HACE1: variants seen among roughly 807,000 people sequenced by gnomAD.
HACE1 encodes E3 ubiquitin-protein ligase HACE1.
HACE1 carries 73 observed loss-of-function variants against 118.4 expected under a neutral mutation model. The ratio of observed to expected loss-of-function variants is 0.62; its 90% confidence interval spans 0.51 to 0.75. HACE1 has a LOEUF of 0.75. Ranked by LOEUF, HACE1 falls within the 30% of genes least tolerant of loss-of-function variation. HACE1 has a pLI of 0.00. For missense variants in HACE1, 749 were observed against 1,102.2 expected, an observed-to-expected ratio of 0.68 and a Z score of 4.54; for synonymous variants, 368 against 374.8, an observed-to-expected ratio of 0.98 and a Z score of 0.21.
In HACE1 at chr6:104,756,429, AT is replaced by A. The variant is rs1490672816; in HGVS notation, c.2212-5958del. Among the ~76,000 whole-genome samples, 202 of 69,690 alleles carry A rather than the reference AT, an allele frequency of 2.9e-3. 1 individual carries two copies. The highest frequency in any genetic ancestry group is 6.9e-3 in the African/African-American group (145 of 21,104). 45.7% of individuals were successfully genotyped at this position (69,690 alleles called of 152,430 possible). ...TCCATCTCAAAAAAAAAAAAAAAAT[AT>A]ATATATATATATATATACACACACA... On this transcript the variant is annotated intron_variant, in intron 19 of 23. Transcript: ENST00000262903.
intron 10 of HACE1, among the ~76,000 whole-genome samples, chr6:104,795,211 G>A (rs1204899399): frequency 6.6e-6 from 1 of 152,150 alleles, no homozygotes; most frequent in Non-Finnish European, 1.5e-5. Context: ...AAAGTACAAT[G>A]AAAGGTTAAA....
At chr6:104,755,067 G>T (rs11156420) in intron 19 of HACE1, among the ~76,000 whole-genome samples, 8,350 of 152,042 alleles carry the variant, frequency 0.055, 268 homozygotes, top group East Asian at 0.13. Context: ...GACACACACA[G>T]GCTCTAAATA....
intron 19 of HACE1, among the ~76,000 whole-genome samples, chr6:104,762,882 C>T (rs1582342629): frequency 1.4e-5 from 2 of 147,516 alleles, no homozygotes; most frequent in South Asian, 2.2e-4. Flanking sequence ...CCCAGCTACT[C>T]GGGAGGCTGA....
At chr6:104,805,278 A>T (rs147667421) in intron 7 of HACE1, among the ~76,000 whole-genome samples, 6,682 of 152,294 alleles carry the variant, frequency 0.044, 196 homozygotes, top group Middle Eastern at 0.075. Flanking sequence ...TAGTTCAATC[A>T]TTGTGGAAGA....
At chr6:104,830,322 T>C (rs1374174219) in intron 6 of HACE1, among the ~76,000 whole-genome samples, 1 of 152,154 alleles carries the variant, frequency 6.6e-6, no homozygotes, top group African/African-American at 2.4e-5. Context: ...TTAATAATAT[T>C]GACTCTAAGT....
intron 19 of HACE1, among the ~76,000 whole-genome samples, chr6:104,753,212 G>C (rs1778249851): frequency 6.6e-6 from 1 of 152,126 alleles, no homozygotes; most frequent in Admixed American, 6.6e-5. Context: ...ACTGGCTAAG[G>C]GTTCTAAGGA....
chr6:104,776,684 A>C (rs1195022073), intron 17 of HACE1, 57 bp downstream of exon 17: 17 of 979,792 alleles, frequency 1.7e-5, no homozygotes, highest in Non-Finnish European at 2.7e-5. Flanking sequence ...AATGTACTGA[A>C]ATAGTGTGAA....
At chr6:104,736,273 T>C (rs1036019360) in intron 22 of HACE1, among the ~76,000 whole-genome samples, 1 of 151,594 alleles carries the variant, frequency 6.6e-6, no homozygotes, top group Admixed American at 6.6e-5. Flanking sequence ...CTTATTTATT[T>C]ATTATTTTTT....
chr6:104,744,885 T>C (rs906735316), intron 20 of HACE1, among the ~76,000 whole-genome samples: 3 of 152,186 alleles, frequency 2.0e-5, no homozygotes, highest in African/African-American at 4.8e-5. Context: ...TGTGAACATA[T>C]GCAACAACAG....
In HACE1 at chr6:104,859,772, G is replaced by C; in HGVS notation, c.-130C>G. 2.5e-6 allele frequency: 2 copies of C among 811,234 alleles called. No individual in the cohort carries two copies. Among genetic ancestry groups the C allele is most frequent in the South Asian group, 1.8e-5 (1 of 56,020 alleles). 50.3% of individuals were successfully genotyped at this position (811,234 alleles called of 1,614,324 possible). Reference sequence around the variant, plus strand: ...GGGCTTGCCCCGGCTAGAGCACTGAGCTGCGAGGGCTGCCTGGGGCCACGT... The same window carrying C: ...GGGCTTGCCCCGGCTAGAGCACTGACCTGCGAGGGCTGCCTGGGGCCACGT... On this transcript the variant is annotated 5_prime_UTR_variant, in exon 1 of 24. Transcript: ENST00000262903.
At chr6:104,857,734 G>A (rs543066562) in intron 1 of HACE1, among the ~76,000 whole-genome samples, 11 of 151,640 alleles carry the variant, frequency 7.3e-5, no homozygotes, top group African/African-American at 1.7e-4. Context: ...GAGGCGGGCA[G>A]ATCACGAGGT....
intron 6 of HACE1, among the ~76,000 whole-genome samples, chr6:104,816,822 G>A (rs980142408): frequency 3.3e-5 from 5 of 152,198 alleles, no homozygotes; most frequent in South Asian, 2.1e-4. Flanking sequence ...TGAGCCACAG[G>A]GGTGGAGCTA....
intron 5 of HACE1, among the ~76,000 whole-genome samples, chr6:104,840,436 T>G (rs991275512): frequency 2.3e-4 from 35 of 152,162 alleles, no homozygotes; most frequent in African/African-American, 8.4e-4. Context: ...TAGCCTCATC[T>G]TCCAGAAAGT....
chr6:104,801,351 C>G (rs1361239474), intron 7 of HACE1, among the ~76,000 whole-genome samples: 1 of 152,114 alleles, frequency 6.6e-6, no homozygotes, highest in Non-Finnish European at 1.5e-5. Flanking sequence ...CATTCAAATT[C>G]AGGAAATACA....
At chr6:104,856,378 T>C (rs992816323) in intron 1 of HACE1, among the ~76,000 whole-genome samples, 1 of 152,166 alleles carries the variant, frequency 6.6e-6, no homozygotes, top group Admixed American at 6.6e-5. Flanking sequence ...ACAAACTGCA[T>C]TCACTATATA....
At chr6:104,754,178 A>G (rs1411656429) in intron 19 of HACE1, among the ~76,000 whole-genome samples, 1 of 151,606 alleles carries the variant, frequency 6.6e-6, no homozygotes, top group Non-Finnish European at 1.5e-5. Context: ...ACTGTCCAAA[A>G]TAAGACAGGC....
At chr6:104,801,244 G>C (rs1770310775) in intron 7 of HACE1, among the ~76,000 whole-genome samples, 1 of 152,196 alleles carries the variant, frequency 6.6e-6, no homozygotes. Context: ...TGTTTGATTG[G>C]TGTACCTGAA....
In HACE1 at chr6:104,728,997, T is replaced by C. The variant is rs1774925265; in HGVS notation, c.*665A>G. Reference sequence around the variant, plus strand: ...AGAAAAACATTGAGACCATAATATATACATATGGAAAACTGGCCACTGAAA... The same window carrying C: ...AGAAAAACATTGAGACCATAATATACACATATGGAAAACTGGCCACTGAAA... On this transcript the variant is annotated 3_prime_UTR_variant, in exon 24 of 24. Coordinates refer to ENST00000262903, the MANE Select transcript of HACE1 (RefSeq NM_020771.4). 1.3e-5 allele frequency: 2 copies of C among 152,508 alleles called. No individual in the cohort carries two copies. Among genetic ancestry groups the C allele is most frequent in the East Asian group, 1.9e-4 (1 of 5,196 alleles). 9.4% of individuals were successfully genotyped at this position (152,508 alleles called of 1,614,324 possible).
chr6:104,849,949 CTT>C (rs35012688), intron 3 of HACE1, among the ~76,000 whole-genome samples: 250 of 121,022 alleles, frequency 2.1e-3, no homozygotes, highest in Admixed American at 4.0e-3. Context: ...CACGCCCGTC[CTT>C]TTTTTTTTTT....
Sources: allele counts gnomAD v4.1 joint callset (sites outside exome capture counted in the v4.1 genomes callset), GRCh38; gene constraint gnomAD v4.1.1; transcripts MANE v1.5; gene names NCBI Gene and HGNC (gene_info 2026-07-23, HGNC 2026-07-21).